TLE1: variants seen among roughly 807,000 people sequenced by gnomAD.
TLE1 encodes the protein TLE family member 1, transcriptional corepressor.
In TLE1, 21 loss-of-function variants were observed where a neutral mutation model predicts 89.8. The observed-to-expected ratio is 0.23, with a 90% CI of 0.17 to 0.34. The LOEUF (loss-of-function observed/expected upper bound fraction) is 0.34. Ranked by LOEUF, TLE1 falls within the 10% of genes least tolerant of loss-of-function variation. The pLI is 1.00. For synonymous variants in TLE1, 447 were observed against 407.6 expected (o/e 1.10, Z -1.16); for missense variants, 795 against 1,031.2 (o/e 0.77, Z 3.14).
At chr9:81,657,622 A>C (rs1278057986) in intron 4 of TLE1, among the ~76,000 whole-genome samples, 1 of 152,180 alleles carries the variant, frequency 6.6e-6, no homozygotes, top group Non-Finnish European at 1.5e-5. Flanking sequence ...AAATAAAGAA[A>C]AGAAAGACAT....
chr9:81,584,308 G>T lies in TLE1; in HGVS notation c.2206-3C>A. The T allele has an allele frequency of 6.2e-7, 1 of 1,613,798 alleles. No individual in the cohort carries two copies. The highest frequency in any genetic ancestry group is 8.5e-7 in the Non-Finnish European group (1 of 1,179,726). The stretch of plus-strand genomic sequence containing the variant: ...AGCACTGACGAGGACTCTTTGGACT[G>T]GAAGAGAAAACAATGGACATGTGTT... On this transcript the variant is annotated splice_region_variant and splice_polypyrimidine_tract_variant and intron_variant, in intron 19 of 19. Coordinates refer to ENST00000376499, the MANE Select transcript of TLE1 (RefSeq NM_005077.5).
intron 4 of TLE1, among the ~76,000 whole-genome samples, chr9:81,666,235 T>G (rs572062134): frequency 1.4e-4 from 22 of 152,180 alleles, no homozygotes; most frequent in African/African-American, 5.3e-4. Flanking sequence ...TTCTCCAAAC[T>G]CCGCAGAGTG....
At chr9:81,662,296 C>T (rs1042285741) in intron 4 of TLE1, among the ~76,000 whole-genome samples, 13 of 151,136 alleles carry the variant, frequency 8.6e-5, no homozygotes, top group African/African-American at 2.9e-4. Context: ...GATAATGATG[C>T]TAAAATGACC....
At chr9:81,679,412 A>G (rs940918816) in intron 4 of TLE1, among the ~76,000 whole-genome samples, 1 of 152,142 alleles carries the variant, frequency 6.6e-6, no homozygotes, top group Non-Finnish European at 1.5e-5. Flanking sequence ...CTTTTGTTAA[A>G]TCAGGTGAAT....
chr9:81,636,391 G>A (rs1275857884), intron 6 of TLE1, among the ~76,000 whole-genome samples: 1 of 140,676 alleles, frequency 7.1e-6, no homozygotes, highest in Non-Finnish European at 1.5e-5. Context: ...GAACAGGACT[G>A]CCCTACCAGC....
intron 4 of TLE1, among the ~76,000 whole-genome samples, chr9:81,658,760 A>T (rs1473614871): frequency 6.6e-6 from 1 of 152,126 alleles, no homozygotes; most frequent in Admixed American, 6.6e-5. Flanking sequence ...CTTCCCTTCA[A>T]ATAGTCTGGA....
At position 81,688,561 on chromosome 9, in the gene TLE1, T is replaced by G; in HGVS notation, c.-321A>C. On this transcript the variant is annotated 5_prime_UTR_variant, in exon 1 of 20. Coordinates refer to ENST00000376499, the MANE Select transcript of TLE1 (RefSeq NM_005077.5). Reference sequence around the variant, plus strand: ...CAGCGCTCCAACCCCCGGCCTCAGCTGCCCGGGCGGGGAGGCGGGGGCGCG... The same window carrying G: ...CAGCGCTCCAACCCCCGGCCTCAGCGGCCCGGGCGGGGAGGCGGGGGCGCG... 6.7e-6 allele frequency: 2 copies of G among 297,060 alleles called. No homozygotes were observed. Among genetic ancestry groups the G allele is most frequent in the East Asian group, 5.7e-5 (1 of 17,444 alleles). The allele number at this position is 297,060 out of a possible 1,614,324, so 18.4% of individuals were successfully genotyped here.
chr9:81,604,022 C>CA (rs1831305912), intron 14 of TLE1, among the ~76,000 whole-genome samples: 1 of 152,132 alleles, frequency 6.6e-6, no homozygotes, highest in Non-Finnish European at 1.5e-5. Context: ...AACAGAACAA[C>CA]AAAAAAAGGT....
rs186985147 is a variant in TLE1 at position 81,592,883 on chromosome 9, G to A, written c.1581+142C>T. 82 of 1,192,228 alleles carry A rather than the reference G, an allele frequency of 6.9e-5. 1 individual carries two copies. In the East Asian group the frequency reaches 1.1e-3, roughly 17 times the overall value. The allele number at this position is 1,192,228 out of a possible 1,614,324, so 73.9% of individuals were successfully genotyped here. On this transcript the variant is annotated intron_variant, in intron 15 of 19. Transcript: ENST00000376499. ...AACCTTCGCATTTAAATGGGGAGCC[G>A]AGGGGGTTAAATAACCAACACAGGA...
chr9:81,645,392 T>C (rs1188178400), intron 6 of TLE1, among the ~76,000 whole-genome samples: 4 of 140,368 alleles, frequency 2.8e-5, no homozygotes, highest in Non-Finnish European at 4.7e-5. Flanking sequence ...ATAGTAATAA[T>C]AATTCAATTG....
intron 8 of TLE1, among the ~76,000 whole-genome samples, chr9:81,630,899 AAC>A (rs1364843500): frequency 2.6e-5 from 4 of 152,226 alleles, no homozygotes; most frequent in Non-Finnish European, 5.9e-5. Flanking sequence ...GTGGACAGTG[AAC>A]AGTTTAATTC....
chr9:81,676,162 G>T (rs534775790), intron 4 of TLE1, among the ~76,000 whole-genome samples: 1 of 152,106 alleles, frequency 6.6e-6, no homozygotes, highest in African/African-American at 2.4e-5. Context: ...GCTTTCACCT[G>T]ATTTTCAAAC....
In TLE1 at chr9:81,645,310, C is replaced by T. The variant is rs140791900; in HGVS notation, c.372+6904G>A. On this transcript the variant is annotated intron_variant, in intron 6 of 19. Transcript: ENST00000376499. ...CCCGGGAGGCAGAGGTTGCAGTGAG[C>T]GCCAAGATCGCGCCATTGCACTCCA... 2.7e-3 allele frequency among the ~76,000 whole-genome samples: 408 copies of T among 149,450 alleles called. 1 individual carries two copies. Among genetic ancestry groups the T allele is most frequent in the Non-Finnish European group, 4.4e-3 (298 of 67,640 alleles).
intron 16 of TLE1, 80 bp from the exon 17 acceptor site, chr9:81,587,908 G>GTGTGTGTGTGTGTGTGTGTCATCCTGCC: frequency 1.7e-6 from 1 of 601,576 alleles, no homozygotes. Context: ...GTTTTGGACC[G>GTGTGTGTGTGTGTGTGTGTCATCCTGCC]TGTGTGTGTG....
intron 6 of TLE1, among the ~76,000 whole-genome samples, chr9:81,643,924 G>A (rs1052057688): frequency 6.6e-6 from 1 of 152,220 alleles, no homozygotes; most frequent in African/African-American, 2.4e-5. Context: ...TTCCCTGGAA[G>A]GCCATTAAGG....
chr9:81,629,592 T>G (rs1271487886), intron 8 of TLE1, among the ~76,000 whole-genome samples: 1 of 152,204 alleles, frequency 6.6e-6, no homozygotes, highest in African/African-American at 2.4e-5. Flanking sequence ...CAGGGATACT[T>G]TGTAAGAAAG....
chr9:81,613,575 C>T lies in TLE1; in HGVS notation c.919-54G>A. On this transcript the variant is annotated intron_variant, in intron 11 of 19. Transcript: ENST00000376499. ...ATTATTTTTAATCCAAGCCATATTA[C>T]ACAATTTATCACAACAGCAGCTGGG... 1.9e-6 allele frequency: 3 copies of T among 1,586,728 alleles called. No homozygotes were observed. In the Admixed American group the frequency reaches 5.1e-5, roughly 27 times the overall value.
chr9:81,656,601 T>C (rs536776979), intron 4 of TLE1, among the ~76,000 whole-genome samples: 1 of 152,222 alleles, frequency 6.6e-6, no homozygotes, highest in Non-Finnish European at 1.5e-5. Flanking sequence ...TTCTCACTTA[T>C]GTGCACAGAA....
intron 14 of TLE1, among the ~76,000 whole-genome samples, chr9:81,606,608 A>G (rs1319226255): frequency 3.3e-5 from 5 of 152,052 alleles, no homozygotes; most frequent in African/African-American, 1.2e-4. Flanking sequence ...GGGGAACATC[A>G]CACACTGGGG....
Sources: allele counts gnomAD v4.1 joint callset (sites outside exome capture counted in the v4.1 genomes callset), GRCh38; gene constraint gnomAD v4.1.1; transcripts MANE v1.5; gene names NCBI Gene and HGNC (gene_info 2026-07-23, HGNC 2026-07-21).